The following NTM variants were observed in gnomAD, a reference collection of about 807,000 sequenced individuals.
NTM encodes neurotrimin.
NTM carries 13 observed loss-of-function variants against 42.1 expected under a neutral mutation model. That is an observed-to-expected ratio of 0.31 (90% CI 0.20 to 0.49). The LOEUF (loss-of-function observed/expected upper bound fraction) is 0.49, where lower values mean the gene tolerates loss of function less well. NTM is among the 20% of genes least tolerant of loss of function. The pLI is 0.99. For synonymous variants in NTM, 187 were observed against 179.2 expected (o/e 1.04, Z -0.35); for missense variants, 373 against 452.8 (o/e 0.82, Z 1.60).
chr11:131,579,381 A>G (rs2058200052), intron 1 of NTM, among the ~76,000 whole-genome samples: 1 of 152,214 alleles, frequency 6.6e-6, no homozygotes, highest in South Asian at 2.1e-4. Context: ...CTTTTATAGT[A>G]TATAAAACAA....
chr11:131,601,671 A>G (rs188190880), intron 1 of NTM, among the ~76,000 whole-genome samples: 680 of 152,086 alleles, frequency 4.5e-3, no homozygotes, highest in Middle Eastern at 0.014. Flanking sequence ...AAACCAATGC[A>G]TTTAATGATA....
chr11:131,627,136 G>T (rs565306403), intron 1 of NTM, among the ~76,000 whole-genome samples: 15 of 152,062 alleles, frequency 9.9e-5, no homozygotes, highest in Admixed American at 3.3e-4. Context: ...TAATTATCTT[G>T]TACCTCGAGT....
chr11:131,860,312 C>G (rs2046502964), intron 1 of NTM, among the ~76,000 whole-genome samples: 1 of 152,154 alleles, frequency 6.6e-6, no homozygotes, highest in Non-Finnish European at 1.5e-5. Flanking sequence ...GGTGAGGACA[C>G]AGGGCTGGAT....
At chr11:131,936,936 A>G (rs1449356617) in intron 2 of NTM, among the ~76,000 whole-genome samples, 1 of 152,220 alleles carries the variant, frequency 6.6e-6, no homozygotes, top group Non-Finnish European at 1.5e-5. Flanking sequence ...CAGTTAAATA[A>G]CATATTCAAG....
chr11:131,401,373 G>T (rs1945111976), intron 1 of NTM, among the ~76,000 whole-genome samples: 1 of 152,026 alleles, frequency 6.6e-6, no homozygotes, highest in African/African-American at 2.4e-5. Context: ...TTGAAAACAG[G>T]TAGACAAGGG....
intron 3 of NTM, among the ~76,000 whole-genome samples, chr11:132,189,667 C>G (rs1566424819): frequency 6.6e-6 from 1 of 151,646 alleles, no homozygotes; most frequent in Non-Finnish European, 1.5e-5. Flanking sequence ...CACACACACA[C>G]AGACACACAC....
intron 1 of NTM, among the ~76,000 whole-genome samples, chr11:131,472,497 G>T (rs1274150374): frequency 1.3e-5 from 2 of 152,216 alleles, no homozygotes; most frequent in Non-Finnish European, 2.9e-5. Context: ...ATGTGTGTGT[G>T]TGAGTGTGTA....
At chr11:131,873,321 T>C (rs1183617812) in intron 1 of NTM, among the ~76,000 whole-genome samples, 1 of 144,042 alleles carries the variant, frequency 6.9e-6, no homozygotes, top group Non-Finnish European at 1.5e-5. Flanking sequence ...TGAGAACACA[T>C]GGACACAGGG....
At chr11:131,650,005 A>T (rs911553158) in intron 1 of NTM, among the ~76,000 whole-genome samples, 39 of 152,268 alleles carry the variant, frequency 2.6e-4, no homozygotes, top group South Asian at 8.3e-4. Flanking sequence ...GAAGCACACC[A>T]CAGACAGTTA....
At chr11:131,915,923 A>T (rs139519669) in intron 2 of NTM, among the ~76,000 whole-genome samples, 3,313 of 152,258 alleles carry the variant, frequency 0.022, 138 homozygotes, top group African/African-American at 0.076. Flanking sequence ...ACAATTCAAG[A>T]TGAGATTTGG....
intron 1 of NTM, among the ~76,000 whole-genome samples, chr11:131,710,098 AG>A (rs942367051): frequency 6.6e-6 from 1 of 152,126 alleles, no homozygotes; most frequent in Non-Finnish European, 1.5e-5. Flanking sequence ...GGGGTCAAAG[AG>A]GGGGTGGAGC....
intron 1 of NTM, among the ~76,000 whole-genome samples, chr11:131,553,923 T>A (rs1316978767): frequency 6.6e-6 from 1 of 152,206 alleles, no homozygotes; most frequent in African/African-American, 2.4e-5. Context: ...GACCACTTGA[T>A]ACCTCAAGCC....
chr11:131,655,275 G>A (rs977290936), intron 1 of NTM, among the ~76,000 whole-genome samples: 1 of 152,194 alleles, frequency 6.6e-6, no homozygotes, highest in Non-Finnish European at 1.5e-5. Flanking sequence ...GAGCTTAGCT[G>A]TTAAGAAAAC....
chr11:131,830,456 T>C (rs2042678548), intron 1 of NTM, among the ~76,000 whole-genome samples: 1 of 152,182 alleles, frequency 6.6e-6, no homozygotes, highest in Non-Finnish European at 1.5e-5. Flanking sequence ...TTGTCGACTT[T>C]GTCAAAGATC....
intron 1 of NTM, among the ~76,000 whole-genome samples, chr11:131,680,943 G>A (rs1445356436): frequency 7.1e-5 from 3 of 42,214 alleles, no homozygotes; most frequent in Middle Eastern, 0.013. Context: ...CTCCCTGTGT[G>A]TGTGAGCGTG....
At chr11:132,293,600 A>G (rs1404159183) in intron 4 of NTM, among the ~76,000 whole-genome samples, 2 of 152,144 alleles carry the variant, frequency 1.3e-5, no homozygotes, top group African/African-American at 2.4e-5. Flanking sequence ...ACGCGTCTAC[A>G]GGAGAGGTCA....
intron 2 of NTM, among the ~76,000 whole-genome samples, chr11:131,946,051 G>A (rs917522498): frequency 6.6e-6 from 1 of 152,192 alleles, no homozygotes. Context: ...ATAGAACCCA[G>A]AAGTTATAGC....
intron 1 of NTM, among the ~76,000 whole-genome samples, chr11:131,859,721 T>A (rs2046428415): frequency 6.6e-6 from 1 of 152,146 alleles, no homozygotes; most frequent in South Asian, 2.1e-4. Context: ...CTAGCTGAAA[T>A]CAACATATGT....
intron 2 of NTM, among the ~76,000 whole-genome samples, chr11:131,958,721 C>T (rs2061815719): frequency 6.6e-6 from 1 of 152,202 alleles, no homozygotes; most frequent in African/African-American, 2.4e-5. Context: ...TGATGAGCCT[C>T]AGCACACTAG....
Sources: gnomAD v4.1 joint callset for allele counts (sites outside exome capture counted in the v4.1 genomes callset) on GRCh38, gnomAD v4.1.1 for gene constraint, MANE v1.5 for transcripts, NCBI Gene and HGNC (gene_info 2026-07-23, HGNC 2026-07-21) for gene names.